ZNF420: variants seen among roughly 807,000 people sequenced by gnomAD.
The protein encoded by ZNF420 is zinc finger protein 420.
Under a neutral mutation model 44.7 loss-of-function variants are expected in ZNF420, and 31 were observed. The observed-to-expected ratio is 0.69, with a 90% CI of 0.52 to 0.94. The LOEUF (loss-of-function observed/expected upper bound fraction) is 0.94. Among genes scored for constraint, ZNF420 ranks in the 40% least tolerant of loss-of-function variants. The pLI is 0.00. For synonymous variants in ZNF420, 245 were observed against 267.4 expected (o/e 0.92, Z 0.82); for missense variants, 681 against 827.9 (o/e 0.82, Z 2.18).
chr19:37,127,404 C>A lies in ZNF420; in HGVS notation c.413C>A (p.Pro138His). 1 of 1,614,020 alleles carries A rather than the reference C, an allele frequency of 6.2e-7. No homozygotes were observed. Among genetic ancestry groups the A allele is most frequent in the Non-Finnish European group, 8.5e-7 (1 of 1,179,932 alleles). The change falls in exon 5 of 5, where the codon CCC (proline) becomes CAC (histidine). Residue 138 changes from proline (P) to histidine (H), a missense_variant. Physicochemically the swap from Pro to His is moderately conservative, Grantham distance 77 (BLOSUM62 -2). Transcript: ENST00000337995. ...QHSRCHSTEK[P>H]YKCKECGKAF... is the part of the protein sequence containing the mutation. ...TCAAGATGTCATTCTACTGAGAAAC[C>A]CTATAAATGTAAGGAATGTGGGAAA...
At position 37,130,256 on chromosome 19, in the gene ZNF420, TA is replaced by T; in HGVS notation, c.*1199del. 6.6e-7 allele frequency: 1 copy of T among 1,506,642 alleles called. No homozygotes were observed. Among genetic ancestry groups the T allele is most frequent in the South Asian group, 1.3e-5 (1 of 76,466 alleles). 93.3% of individuals were successfully genotyped at this position (1,506,642 alleles called of 1,614,324 possible). A position where few individuals can be genotyped will look rare whatever the true frequency, so the allele number is the denominator to read the frequency against. On this transcript the variant is annotated 3_prime_UTR_variant, in exon 5 of 5. Coordinates refer to ENST00000337995, the MANE Select transcript of ZNF420 (RefSeq NM_144689.5). Reference sequence around the variant, plus strand: ...CCCTGATGACTTTGTGGAACAGCCATACTAGCTCTGGTCTGCTTGCCTCCTG... The same window carrying T: ...CCCTGATGACTTTGTGGAACAGCCATCTAGCTCTGGTCTGCTTGCCTCCTG...
chr19:37,067,380 T>C (rs1181690525), intron 1 of ZNF420, among the ~76,000 whole-genome samples: 1 of 152,228 alleles, frequency 6.6e-6, no homozygotes, highest in Admixed American at 6.5e-5. Context: ...AAGTATACGA[T>C]GTCTACAACT....
At chr19:37,090,921 A>G in intron 3 of ZNF420, 74 bp from the exon 4 acceptor site, 1 of 1,156,456 alleles carries the variant, frequency 8.6e-7, no homozygotes. Context: ...CTCCATCTCA[A>G]AAAAAAAAAA....
intron 4 of ZNF420, among the ~76,000 whole-genome samples, chr19:37,119,018 A>G (rs918794596): frequency 6.6e-5 from 10 of 152,166 alleles, no homozygotes; most frequent in African/African-American, 2.4e-4. Context: ...CACAATAATA[A>G]TGGGAGACTT....
chr19:37,054,143 T>C (rs1967697291), intron 1 of ZNF420, among the ~76,000 whole-genome samples: 1 of 152,202 alleles, frequency 6.6e-6, no homozygotes, highest in Non-Finnish European at 1.5e-5. Context: ...TCCATGGGCA[T>C]AGGACCCTCT....
At chr19:37,061,367 A>G (rs544815301) in intron 1 of ZNF420, among the ~76,000 whole-genome samples, 1 of 152,206 alleles carries the variant, frequency 6.6e-6, no homozygotes, top group Non-Finnish European at 1.5e-5. Context: ...ACTGTTATAT[A>G]TGCTCTTCAG....
At chr19:37,084,573 T>C (rs1253726946) in intron 2 of ZNF420, among the ~76,000 whole-genome samples, 1 of 152,210 alleles carries the variant, frequency 6.6e-6, no homozygotes, top group Non-Finnish European at 1.5e-5. Context: ...CTCCTTTTTC[T>C]GTTTTCTGAA....
At position 37,105,359 on chromosome 19, in the gene ZNF420, T is replaced by G. The variant is rs1283710429; in HGVS notation, c.136+14238T>G. 2.6e-5 allele frequency among the ~76,000 whole-genome samples: 4 copies of G among 152,304 alleles called. No individual in the cohort carries two copies. In the East Asian group the frequency reaches 7.7e-4, roughly 29 times the overall value. On this transcript the variant is annotated intron_variant, in intron 4 of 4. Transcript: ENST00000337995. The stretch of plus-strand genomic sequence containing the variant: ...CTCTGTTCTGTTCCATTGATCTATA[T>G]CTCTGTTTTGGTACCAGTACCATGC...
intron 4 of ZNF420, 95 bp downstream of exon 4, chr19:37,091,216 A>G: frequency 7.9e-7 from 1 of 1,270,826 alleles, no homozygotes; most frequent in South Asian, 1.7e-5. Flanking sequence ...AATTAACTGA[A>G]TTTCTTATTC....
At chr19:37,094,075 A>G (rs1286640656) in intron 4 of ZNF420, among the ~76,000 whole-genome samples, 1 of 152,216 alleles carries the variant, frequency 6.6e-6, no homozygotes, top group African/African-American at 2.4e-5. Context: ...GACCAATTAA[A>G]TAATAATTTC....
intron 1 of ZNF420, among the ~76,000 whole-genome samples, chr19:37,036,286 C>T (rs1420073147): frequency 6.6e-6 from 1 of 152,146 alleles, no homozygotes; most frequent in Admixed American, 6.5e-5. Context: ...TATGGATATG[C>T]AAATTATCCT....
chr19:37,010,007 C>T (rs2074556204), intron 1 of ZNF420, among the ~76,000 whole-genome samples: 3 of 152,166 alleles, frequency 2.0e-5, no homozygotes, highest in South Asian at 4.1e-4. Context: ...ACTGCCGCCG[C>T]CATTGTTCGA....
At chr19:37,051,982 A>G (rs1050485485) in intron 1 of ZNF420, among the ~76,000 whole-genome samples, 2 of 152,136 alleles carry the variant, frequency 1.3e-5, no homozygotes, top group Non-Finnish European at 1.5e-5. Context: ...TCCCATTATT[A>G]TTGTGTGGGA....
At chr19:37,113,600 A>C (rs1970499329) in intron 4 of ZNF420, among the ~76,000 whole-genome samples, 1 of 152,136 alleles carries the variant, frequency 6.6e-6, no homozygotes. Context: ...CTTGCCGCAA[A>C]ATCAGGGTAG....
rs147894336 is a variant in ZNF420, at chr19:37,027,239, C to T, written c.-125+19157C>T. Among the ~76,000 whole-genome samples the T allele has an allele frequency of 6.6e-3, 1,005 of 152,244 alleles. 2 individuals are homozygous for T. Among genetic ancestry groups the T allele is most frequent in the Non-Finnish European group, 0.011 (758 of 68,002 alleles). ...CTGCACTCCAGCCTGAGTGACAGAACGAGACCCTTTCTCCAAAAGATAAAT... is the reference window on the plus strand; with the variant it reads ...CTGCACTCCAGCCTGAGTGACAGAATGAGACCCTTTCTCCAAAAGATAAAT... On this transcript the variant is annotated intron_variant, in intron 1 of 4. Coordinates refer to the ZNF420 transcript ENST00000587029.
At chr19:37,055,703 C>T (rs576445948) in intron 1 of ZNF420, among the ~76,000 whole-genome samples, 1 of 152,312 alleles carries the variant, frequency 6.6e-6, no homozygotes, top group Admixed American at 6.5e-5. Context: ...AAGCAGGAGC[C>T]GTCCGTGGCA....
At chr19:37,087,293 ATAAAT>A (rs1398699856) in intron 2 of ZNF420, among the ~76,000 whole-genome samples, 29 of 86,846 alleles carry the variant, frequency 3.3e-4, no homozygotes, top group African/African-American at 7.3e-4. Context: ...AAAAAAAAAA[ATAAAT>A]AAATAAATAA....
chr19:37,015,116 C>G (rs1356255828), intron 1 of ZNF420, among the ~76,000 whole-genome samples: 1 of 152,190 alleles, frequency 6.6e-6, no homozygotes, highest in Non-Finnish European at 1.5e-5. Flanking sequence ...TGTTTCTGTG[C>G]GAGTGCTGGA....
Position 37,012,681 on chromosome 19 carries a change from CG to C in ZNF420, c.-125+4600del, listed in dbSNP as rs2074579029. Among the ~76,000 whole-genome samples, 6 of 152,156 alleles carry C rather than the reference CG, an allele frequency of 3.9e-5. No homozygotes were observed. In the South Asian group the frequency reaches 1.2e-3, roughly 32 times the overall value. On this transcript the variant is annotated intron_variant, in intron 1 of 4. Coordinates refer to the ZNF420 transcript ENST00000587029. The stretch of plus-strand genomic sequence containing the variant: ...TGTGCCCGTGGGCTGCTCTCTCACC[CG>C]AGAGTCGTTCTTCTGGAGAGCAGAG...
Sources: allele counts gnomAD v4.1 joint callset (sites outside exome capture counted in the v4.1 genomes callset), GRCh38; gene constraint gnomAD v4.1.1; transcripts MANE v1.5; gene names NCBI Gene and HGNC (gene_info 2026-07-23, HGNC 2026-07-21).